BLMH: variants seen among roughly 807,000 people sequenced by gnomAD.
BLMH encodes the protein BLM hydrolase.
BLMH carries 32 observed loss-of-function variants against 61.6 expected under a neutral mutation model. The observed-to-expected ratio is 0.52, with a 90% CI of 0.39 to 0.70. BLMH has a LOEUF of 0.70. Among genes scored for constraint, BLMH ranks in the 30% least tolerant of loss-of-function variants. BLMH has a pLI of 0.00. For missense variants in BLMH, 460 were observed against 555.5 expected (o/e 0.83, Z 1.73); for synonymous variants, 183 against 193.8 (o/e 0.94, Z 0.46).
At position 30,272,567 on chromosome 17, in the gene BLMH, A is replaced by G; in HGVS notation, c.1022T>C (p.Met341Thr). The G allele has an allele frequency of 6.2e-7, 1 of 1,614,184 alleles. No homozygotes were observed. Among genetic ancestry groups the G allele is most frequent in the East Asian group, 2.2e-5 (1 of 44,882 alleles). Reference protein sequence around the residue: ...HFNSKLGLSDMNLYDHELVFG... With the variant: ...HFNSKLGLSDTNLYDHELVFG... ...TTAAATTTCCTGCACTCACAGATTCATGTCACTGAGGCCCAGCTTGCTATT... is the reference window on the plus strand; with the variant it reads ...TTAAATTTCCTGCACTCACAGATTCGTGTCACTGAGGCCCAGCTTGCTATT... The change falls in exon 9 of 12, where the codon ATG (methionine) becomes ACG (threonine). Residue 341 changes from methionine to threonine, a missense_variant. This residue lies in a region of BLMH where 310 missense variants were observed against 371.1 expected (regional missense o/e 0.84). Transcript: ENST00000261714.
intron 5 of BLMH, among the ~76,000 whole-genome samples, chr17:30,285,852 T>C (rs1242479010): frequency 6.6e-6 from 1 of 152,228 alleles, no homozygotes; most frequent in East Asian, 1.9e-4. Flanking sequence ...GATTTTTACT[T>C]AGAATTTCAA....
intron 10 of BLMH, among the ~76,000 whole-genome samples, chr17:30,268,463 A>G (rs1008954456): frequency 1.3e-5 from 2 of 152,170 alleles, no homozygotes; most frequent in African/African-American, 4.8e-5. Context: ...CAAAAACTCT[A>G]GTGGAATGAA....
Position 30,291,916 on chromosome 17 carries a change from G to C in BLMH, c.-97C>G. 8.1e-7 allele frequency: 1 copy of C among 1,230,500 alleles called. No individual in the cohort carries two copies. Among genetic ancestry groups the C allele is most frequent in the Non-Finnish European group, 1.0e-6 (1 of 972,242 alleles). 76.2% of individuals were successfully genotyped at this position (1,230,500 alleles called of 1,614,324 possible). On this transcript the variant is annotated 5_prime_UTR_variant, in exon 1 of 12. Transcript: ENST00000261714. ...GCTCGCTGCCTAGGGGGCCCGACCT[G>C]TCTCTCGCACCCGGAGCGCCGGAAA...
At chr17:30,255,474 A>G (rs1394595793) in intron 11 of BLMH, among the ~76,000 whole-genome samples, 6 of 152,190 alleles carry the variant, frequency 3.9e-5, no homozygotes, top group African/African-American at 1.4e-4. Flanking sequence ...ATCCTAATCA[A>G]TATCTGGTAT....
intron 4 of BLMH, among the ~76,000 whole-genome samples, 196 bp downstream of exon 4, chr17:30,287,610 A>G (rs1260259775): frequency 1.3e-5 from 2 of 152,228 alleles, no homozygotes; most frequent in Non-Finnish European, 2.9e-5. Context: ...CCTTCACAGT[A>G]GCTCTCTCCT....
rs2143042640 is a variant in BLMH at position 30,285,426 on chromosome 17, C to T, written c.607G>A (p.Gly203Arg). ...ACGTCCTGTGTGGCCGAGATTTCTC[C>T]TTTGGTTGCTCCACTGTGTACCAGG... ...RNLVHSGATK[G>R]EISATQDVMM... Residue 203 changes from glycine to arginine, a missense_variant, in exon 6 of 12, where the codon GGA becomes AGA. Gly to Arg is a moderately radical substitution (Grantham distance 125). This residue lies in a region of BLMH where 310 missense variants were observed against 371.1 expected (regional missense o/e 0.84). Transcript: ENST00000261714. The T allele has an allele frequency of 6.2e-7, 1 of 1,612,318 alleles. No individual in the cohort carries two copies. Among genetic ancestry groups the T allele is most frequent in the East Asian group, 2.2e-5 (1 of 44,824 alleles).
At chr17:30,272,379 T>A (rs1009818732) in intron 9 of BLMH, 182 bp downstream of exon 9, 1 of 685,130 alleles carries the variant, frequency 1.5e-6, no homozygotes, top group Non-Finnish European at 2.6e-6. Context: ...TGGGTTAGAG[T>A]GTTTAAGTAT....
At chr17:30,271,112 A>G (rs1415297524) in intron 10 of BLMH, among the ~76,000 whole-genome samples, 159 bp downstream of exon 10, 1 of 152,222 alleles carries the variant, frequency 6.6e-6, no homozygotes, top group Non-Finnish European at 1.5e-5. Flanking sequence ...CTAAGCACGC[A>G]GCCAAGCCCC....
intron 6 of BLMH, among the ~76,000 whole-genome samples, chr17:30,275,798 A>AT (rs1908407333): frequency 6.6e-6 from 1 of 152,198 alleles, no homozygotes; most frequent in Admixed American, 6.5e-5. Flanking sequence ...TTTTAAAAAC[A>AT]TAACACTATG....
chr17:30,291,665 C>T, intron 1 of BLMH, 142 bp downstream of exon 1: 1 of 1,374,472 alleles, frequency 7.3e-7, no homozygotes, highest in Admixed American at 2.5e-5. Flanking sequence ...AGCTGTCTCC[C>T]TCCAGGCCGA....
At chr17:30,272,931 A>G in intron 7 of BLMH, 32 bp from the exon 8 acceptor site, 1 of 1,608,016 alleles carries the variant, frequency 6.2e-7, no homozygotes, top group Non-Finnish European at 8.5e-7. Flanking sequence ...TAATTAGGGC[A>G]CAAAACCAGG....
rs1908908805 is a variant in BLMH, at chr17:30,291,936, CG to C, written c.-118del. On this transcript the variant is annotated 5_prime_UTR_variant, in exon 1 of 12. Transcript: ENST00000261714. ...GACCTGTCTCTCGCACCCGGAGCGCCGGAAAAAGGAAACCGGCTCGGCGGCG... is the reference window on the plus strand; with the variant it reads ...GACCTGTCTCTCGCACCCGGAGCGCCGAAAAAGGAAACCGGCTCGGCGGCG... The C allele has an allele frequency of 2.6e-6, 3 of 1,169,138 alleles. No homozygotes were observed. The South Asian group carries it at 9.0e-5, about 35-fold the overall frequency. The allele number at this position is 1,169,138 out of a possible 1,614,324, so 72.4% of individuals were successfully genotyped here.
At position 30,252,533 on chromosome 17, in the gene BLMH, CAAAAAAA is replaced by C. The variant is rs34594289; in HGVS notation, c.1217-3372_1217-3366del. ...GCAACATGGCGAAACCCCATCCTCA[CAAAAAAA>C]AAAAAAAAAAAAAAAAAAATTAGCT... is the stretch of plus-strand genomic sequence containing the variant. On this transcript the variant is annotated intron_variant, in intron 11 of 11. Transcript: ENST00000261714. Among the ~76,000 whole-genome samples the C allele has an allele frequency of 6.7e-3, 443 of 66,386 alleles. 6 individuals carry two copies. The highest frequency in any genetic ancestry group is 0.021 in the African/African-American group (406 of 19,660). The allele number at this position is 66,386 out of a possible 152,430, so 43.6% of individuals were successfully genotyped here. A position where few individuals can be genotyped will look rare whatever the true frequency, so the allele number is the denominator to read the frequency against.
intron 11 of BLMH, among the ~76,000 whole-genome samples, chr17:30,262,662 G>A (rs1242464349): frequency 6.6e-6 from 1 of 152,100 alleles, no homozygotes; most frequent in East Asian, 1.9e-4. Flanking sequence ...AGGCGTGGTG[G>A]GGAGCACCTG....
intron 6 of BLMH, among the ~76,000 whole-genome samples, chr17:30,274,508 G>C (rs1908365963): frequency 6.6e-6 from 1 of 152,160 alleles, no homozygotes; most frequent in South Asian, 2.1e-4. Flanking sequence ...TTGATACCCA[G>C]CAAGATCTGA....
At chr17:30,288,822 C>A (rs570939218) in intron 3 of BLMH, among the ~76,000 whole-genome samples, 58 of 152,202 alleles carry the variant, frequency 3.8e-4, no homozygotes, top group African/African-American at 1.2e-3. Flanking sequence ...CAAAAATTAG[C>A]TGGGCATGGT....
Position 30,287,920 on chromosome 17 carries a change from C to T in BLMH, c.349G>A (p.Ala117Thr). The T allele has an allele frequency of 4.3e-6, 7 of 1,613,854 alleles. No homozygotes were observed. Among genetic ancestry groups the T allele is most frequent in the Non-Finnish European group, 5.9e-6 (7 of 1,179,862 alleles). ...TTTCTCTGGGCTGTGTCCACAAAAG[C>T]ACTCAAGAAGAAATAACAGCGTTCA... ...KVERCYFFLSAFVDTAQRKEP... is the reference protein window; with the variant it reads ...KVERCYFFLSTFVDTAQRKEP... The change falls in exon 4 of 12, where the codon GCT becomes ACT. Residue 117 changes from alanine (A) to threonine (T), a missense_variant. Transcript: ENST00000261714.
chr17:30,262,465 T>A (rs898380916), intron 11 of BLMH, among the ~76,000 whole-genome samples: 1 of 152,210 alleles, frequency 6.6e-6, no homozygotes, highest in African/African-American at 2.4e-5. Flanking sequence ...GTTTACTTTA[T>A]ATATGTTTAA....
At chr17:30,268,029 C>T (rs1218255412) in intron 10 of BLMH, among the ~76,000 whole-genome samples, 5 of 152,190 alleles carry the variant, frequency 3.3e-5, no homozygotes, top group Admixed American at 6.5e-5. Flanking sequence ...ACACCCTTAC[C>T]TGTACTAATC....
Sources: gnomAD v4.1 joint callset for allele counts (sites outside exome capture counted in the v4.1 genomes callset) on GRCh38, gnomAD v4.1.1 for gene constraint, gnomAD v4.1.1 regional missense constraint, MANE v1.5 for transcripts, NCBI Gene and HGNC (gene_info 2026-07-23, HGNC 2026-07-21) for gene names.